The following FZD6 variants were observed in gnomAD, a reference collection of about 807,000 sequenced individuals.
The protein encoded by FZD6 is frizzled class receptor 6.
In FZD6, 49 loss-of-function variants were observed where a neutral mutation model predicts 61.4. The observed-to-expected ratio is 0.80, with a 90% CI of 0.63 to 1.01. FZD6 has a LOEUF of 1.01. Ranked by LOEUF, FZD6 falls within the 50% of genes least tolerant of loss-of-function variation. The pLI, the probability that FZD6 is intolerant of heterozygous loss-of-function variation, is 0.00. For missense variants in FZD6, 724 were observed against 848.2 expected, an observed-to-expected ratio of 0.85 and a Z score of 1.82; for synonymous variants, 265 against 292.2, an observed-to-expected ratio of 0.91 and a Z score of 0.95.
At position 103,324,504 on chromosome 8, in the gene FZD6, T is replaced by A; in HGVS notation, c.398T>A (p.Val133Asp). Residue 133 changes from valine (V) to aspartate (D), a missense_variant, in exon 4 of 7, where the codon GTT becomes GAT. Physicochemically the swap from Val to Asp is radical, Grantham distance 152. Transcript: ENST00000358755. Reference protein sequence around the residue: ...CDRLQYCDETVPVTFDPHTEF... With the variant: ...CDRLQYCDETDPVTFDPHTEF... ...AGATTACAATACTGTGATGAGACTG[T>A]TCCTGTAACTTTTGATCCACACACA... 1 of 1,597,432 alleles carries A rather than the reference T, an allele frequency of 6.3e-7. No homozygotes were observed. Among genetic ancestry groups the A allele is most frequent in the South Asian group, 1.1e-5 (1 of 90,744 alleles).
At chr8:103,310,021 C>T (rs1814449422) in intron 2 of FZD6, among the ~76,000 whole-genome samples, 1 of 152,000 alleles carries the variant, frequency 6.6e-6, no homozygotes, top group African/African-American at 2.4e-5. Context: ...GGGCAGGGGG[C>T]TATTTATTTT....
chr8:103,313,965 G>A (rs1814565516), intron 2 of FZD6, among the ~76,000 whole-genome samples: 1 of 152,128 alleles, frequency 6.6e-6, no homozygotes, highest in Non-Finnish European at 1.5e-5. Context: ...CTGGAGTTGA[G>A]TAGCAGCAGC....
intron 2 of FZD6, among the ~76,000 whole-genome samples, chr8:103,313,155 C>T (rs1196200616): frequency 6.6e-6 from 1 of 152,068 alleles, no homozygotes; most frequent in South Asian, 2.1e-4. Flanking sequence ...CCTCAGTTGC[C>T]TCAGCTGCAA....
chr8:103,310,081 G>A (rs897581596), intron 2 of FZD6, among the ~76,000 whole-genome samples: 1 of 152,142 alleles, frequency 6.6e-6, no homozygotes, highest in African/African-American at 2.4e-5. Flanking sequence ...AGAGCACTCT[G>A]CGATATCCTG....
chr8:103,331,213 C>T, intron 6 of FZD6, 128 bp from the exon 7 acceptor site: 2 of 767,420 alleles, frequency 2.6e-6, no homozygotes, highest in South Asian at 1.4e-5. Context: ...TGTTAAAGTA[C>T]ACCTGAAGAC....
In FZD6 at chr8:103,331,321, A is replaced by G. The variant is rs371886915; in HGVS notation, c.1953-20A>G. ...TGTGTTTGTGGATGTGTGTGTGTCA[A>G]CTTTTTTTCTTTTATCTAGGATTAG... On this transcript the variant is annotated intron_variant, in intron 6 of 6. Transcript: ENST00000358755. 16 of 1,586,464 alleles carry G rather than the reference A, an allele frequency of 1.0e-5. No homozygotes were observed. In the African/African-American group the frequency reaches 2.0e-4, roughly 20 times the overall value.
At chr8:103,311,640 A>G (rs1814498388) in intron 2 of FZD6, among the ~76,000 whole-genome samples, 1 of 147,980 alleles carries the variant, frequency 6.8e-6, no homozygotes, top group African/African-American at 2.5e-5. Flanking sequence ...TGATTGTGCC[A>G]CTGCACTCCA....
intron 3 of FZD6, among the ~76,000 whole-genome samples, chr8:103,319,214 C>T (rs745785506): frequency 1.5e-4 from 23 of 152,000 alleles, no homozygotes; most frequent in Non-Finnish European, 2.6e-4. Flanking sequence ...AAGAGCATTT[C>T]GGGCAGTGGG....
intron 2 of FZD6, among the ~76,000 whole-genome samples, chr8:103,303,004 C>T (rs1480981270): frequency 6.6e-6 from 1 of 152,116 alleles, no homozygotes; most frequent in East Asian, 1.9e-4. Flanking sequence ...AGTTAACTCC[C>T]TAATCTTCAG....
At chr8:103,313,592 C>T (rs551154887) in intron 2 of FZD6, among the ~76,000 whole-genome samples, 2 of 152,174 alleles carry the variant, frequency 1.3e-5, no homozygotes, top group African/African-American at 4.8e-5. Flanking sequence ...TGTTTCTTGG[C>T]AAAGTGTGCA....
intron 2 of FZD6, chr8:103,307,942 A>C: frequency 2.2e-6 from 1 of 456,060 alleles, no homozygotes; most frequent in South Asian, 1.5e-5. Flanking sequence ...TTGGATGGAA[A>C]TTATCCAGGA....
rs765244859 is a variant in FZD6, at chr8:103,324,816, ACT to A, written c.713_714del (p.Ser238CysfsTer19). 1.2e-6 allele frequency: 2 copies of A among 1,612,030 alleles called. No homozygotes were observed. Among genetic ancestry groups the A allele is most frequent in the Non-Finnish European group, 1.7e-6 (2 of 1,178,190 alleles). ...TACCCAGAGAGACCAATTATATATT[ACT>A]CTGTCTGTTACAGCATTGTATCTCT... is the stretch of plus-strand genomic sequence containing the variant. On this transcript the variant is annotated frameshift_variant, in exon 4 of 7. Coordinates refer to ENST00000358755, the MANE Select transcript of FZD6 (RefSeq NM_003506.4). LOFTEE classifies it high-confidence loss of function.
At chr8:103,329,013 T>TTTTTATATATATATATATA (rs143400765) in intron 5 of FZD6, among the ~76,000 whole-genome samples, 1 of 115,178 alleles carries the variant, frequency 8.7e-6, no homozygotes, top group African/African-American at 3.0e-5. Context: ...CATTTTAGTT[T>TTTTTATATATATATATATA]TATATATATA....
At chr8:103,330,202 G>T in intron 6 of FZD6, 137 bp downstream of exon 6, 2 of 770,742 alleles carry the variant, frequency 2.6e-6, no homozygotes, top group Non-Finnish European at 4.4e-6. Flanking sequence ...TTTGGGTTCA[G>T]CCTATAAATA....
At chr8:103,307,121 G>A (rs1408292687) in intron 2 of FZD6, among the ~76,000 whole-genome samples, 3 of 152,126 alleles carry the variant, frequency 2.0e-5, no homozygotes, top group Non-Finnish European at 4.4e-5. Context: ...AGGGAAGCAA[G>A]GCACTGCCAA....
At chr8:103,326,410 A>C (rs1814951867) in intron 4 of FZD6, among the ~76,000 whole-genome samples, 1 of 152,098 alleles carries the variant, frequency 6.6e-6, no homozygotes. Flanking sequence ...CTGTGTCTTA[A>C]AGTGATCCTG....
Position 103,300,101 on chromosome 8 carries a change from G to A in FZD6, c.-7G>A. The A allele has an allele frequency of 6.4e-7, 1 of 1,552,386 alleles. No individual in the cohort carries two copies. Among genetic ancestry groups the A allele is most frequent in the Non-Finnish European group, 8.9e-7 (1 of 1,123,550 alleles). The stretch of plus-strand genomic sequence containing the variant: ...AGCCATGTGGTAAAATCAGGAATTT[G>A]AAGAAAATGGAAATGTTTACATTTT... On this transcript the variant is annotated 5_prime_UTR_variant, in exon 2 of 7. It removes the in-frame stop codon of an upstream open reading frame in the 5' UTR. Transcript: ENST00000358755.
intron 2 of FZD6, among the ~76,000 whole-genome samples, chr8:103,300,890 G>A (rs1366761882): frequency 3.3e-5 from 5 of 152,108 alleles, no homozygotes; most frequent in Admixed American, 3.3e-4. Context: ...ATTGCCTTAG[G>A]TGCCTTAGTT....
At chr8:103,331,316 T>C in intron 6 of FZD6, 25 bp from the exon 7 acceptor site, 1 of 1,552,760 alleles carries the variant, frequency 6.4e-7, no homozygotes, top group East Asian at 2.2e-5. Context: ...GATGTGTGTG[T>C]GTCAACTTTT....
Sources: allele counts gnomAD v4.1 joint callset (sites outside exome capture counted in the v4.1 genomes callset), GRCh38; gene constraint gnomAD v4.1.1; transcripts MANE v1.5; gene names NCBI Gene and HGNC (gene_info 2026-07-23, HGNC 2026-07-21).